The following MARCHF1 variants were observed in gnomAD, a reference collection of about 807,000 sequenced individuals.
MARCHF1 encodes the protein membrane associated ring-CH-type finger 1.
MARCHF1 carries 40 observed loss-of-function variants against 54.2 expected under a neutral mutation model. The ratio of observed to expected loss-of-function variants is 0.74; its 90% CI spans 0.57 to 0.96. The LOEUF is 0.96. MARCHF1 is among the 40% of genes least tolerant of loss of function. The pLI, the probability that MARCHF1 is intolerant of heterozygous loss-of-function variation, is 0.00. For synonymous variants in MARCHF1, 236 were observed against 236.3 expected, an observed-to-expected ratio of 1.00 and a Z score of 0.01; for missense variants, 586 against 656.5, an observed-to-expected ratio of 0.89 and a Z score of 1.17.
chr4:163,808,266 G>C (rs1748282930), intron 4 of MARCHF1, among the ~76,000 whole-genome samples: 1 of 152,152 alleles, frequency 6.6e-6, no homozygotes, highest in Non-Finnish European at 1.5e-5. Context: ...CGTTCTCCAT[G>C]GTAACTACCT....
At chr4:164,139,925 T>G (rs1296525144) in intron 1 of MARCHF1, among the ~76,000 whole-genome samples, 1 of 152,112 alleles carries the variant, frequency 6.6e-6, no homozygotes, top group East Asian at 1.9e-4. Context: ...TTTCTGGGAA[T>G]TGATGACATC....
At chr4:163,543,264 T>C (rs1362309204) in intron 9 of MARCHF1, among the ~76,000 whole-genome samples, 2 of 151,984 alleles carry the variant, frequency 1.3e-5, no homozygotes, top group Non-Finnish European at 2.9e-5. Flanking sequence ...GTTAAAAATA[T>C]GATAGTTTCC....
intron 8 of MARCHF1, among the ~76,000 whole-genome samples, chr4:163,568,833 T>C (rs140333778): frequency 2.0e-4 from 30 of 152,204 alleles, no homozygotes; most frequent in African/African-American, 7.2e-4. Flanking sequence ...GACATATCTG[T>C]TGGGCCTGAG....
At chr4:164,244,308 C>G (rs2111222122) in intron 1 of MARCHF1, among the ~76,000 whole-genome samples, 1 of 152,260 alleles carries the variant, frequency 6.6e-6, no homozygotes, top group South Asian at 2.1e-4. Context: ...GAATCTCACT[C>G]AAAACTGCGC....
intron 1 of MARCHF1, among the ~76,000 whole-genome samples, chr4:164,131,188 C>T (rs773095613): frequency 5.3e-5 from 8 of 152,086 alleles, no homozygotes; most frequent in Non-Finnish European, 8.8e-5. Context: ...AAGGTAGTTT[C>T]CCTGGGAGAG....
intron 2 of MARCHF1, among the ~76,000 whole-genome samples, chr4:164,107,109 C>A (rs1755722671): frequency 6.6e-6 from 1 of 152,064 alleles, no homozygotes; most frequent in Admixed American, 6.6e-5. Flanking sequence ...ATAATAAATA[C>A]AAAGCTATGT....
intron 3 of MARCHF1, among the ~76,000 whole-genome samples, chr4:163,934,430 G>T (rs975195633): frequency 6.6e-6 from 1 of 151,442 alleles, no homozygotes; most frequent in Non-Finnish European, 1.5e-5. Flanking sequence ...GTGGTGGTAT[G>T]CATCTGTAGT....
chr4:164,323,003 G>A (rs1463282174), intron 1 of MARCHF1, among the ~76,000 whole-genome samples: 1 of 151,850 alleles, frequency 6.6e-6, no homozygotes, highest in Admixed American at 6.6e-5. Flanking sequence ...GGCTGTCAAA[G>A]ATACATAGAA....
At chr4:163,881,115 C>T (rs973434465) in intron 3 of MARCHF1, among the ~76,000 whole-genome samples, 1 of 152,176 alleles carries the variant, frequency 6.6e-6, no homozygotes, top group Admixed American at 6.5e-5. Context: ...CATTCATGAT[C>T]TCATCACATC....
At chr4:163,906,415 G>A (rs552758939) in intron 3 of MARCHF1, among the ~76,000 whole-genome samples, 1 of 152,126 alleles carries the variant, frequency 6.6e-6, no homozygotes, top group South Asian at 2.1e-4. Context: ...AAGAGAAGAT[G>A]TAGATGAAAG....
intron 1 of MARCHF1, among the ~76,000 whole-genome samples, chr4:164,215,139 A>T (rs996720425): frequency 6.6e-6 from 1 of 152,104 alleles, no homozygotes; most frequent in African/African-American, 2.4e-5. Flanking sequence ...TCCTTGGTTT[A>T]CCGGAAGAAT....
chr4:163,893,736 A>G (rs1337879792), intron 3 of MARCHF1, among the ~76,000 whole-genome samples: 1 of 152,222 alleles, frequency 6.6e-6, no homozygotes, highest in East Asian at 1.9e-4. Context: ...TTTTGAATAA[A>G]TGCATAAATT....
At chr4:164,239,839 A>G (rs771220874) in intron 1 of MARCHF1, among the ~76,000 whole-genome samples, 4 of 152,170 alleles carry the variant, frequency 2.6e-5, no homozygotes, top group Non-Finnish European at 5.9e-5. Flanking sequence ...TTTACAGAAC[A>G]TAGTGTTGAT....
chr4:164,084,492 A>G (rs1204527435), intron 2 of MARCHF1, among the ~76,000 whole-genome samples: 1 of 151,916 alleles, frequency 6.6e-6, no homozygotes, highest in African/African-American at 2.4e-5. Context: ...CATGCTTTAG[A>G]TTAAAAAACT....
chr4:164,145,736 G>A (rs1366324104), intron 1 of MARCHF1, among the ~76,000 whole-genome samples: 4 of 147,168 alleles, frequency 2.7e-5, no homozygotes, highest in African/African-American at 1.0e-4. Context: ...GCAAAAACTG[G>A]AAGCATTCCC....
chr4:164,214,921 T>C (rs1731884183), intron 1 of MARCHF1, among the ~76,000 whole-genome samples: 1 of 152,112 alleles, frequency 6.6e-6, no homozygotes, highest in African/African-American at 2.4e-5. Context: ...GCTCGCTTCC[T>C]CAGTGCCCCC....
At chr4:163,531,645 CTAT>C (rs1224326499) in intron 9 of MARCHF1, among the ~76,000 whole-genome samples, 1 of 151,706 alleles carries the variant, frequency 6.6e-6, no homozygotes, top group Non-Finnish European at 1.5e-5. Context: ...ATAAATAAAA[CTAT>C]CTTTGTTCAC....
intron 3 of MARCHF1, among the ~76,000 whole-genome samples, chr4:163,882,673 T>C (rs1040875033): frequency 1.3e-5 from 2 of 152,162 alleles, no homozygotes; most frequent in African/African-American, 2.4e-5. Context: ...ACATTAAAAT[T>C]TTAACAAATT....
intron 9 of MARCHF1, among the ~76,000 whole-genome samples, chr4:163,540,935 G>T (rs572191553): frequency 9.9e-5 from 15 of 152,284 alleles, no homozygotes; most frequent in African/African-American, 3.4e-4. Flanking sequence ...AATCACTTGA[G>T]CCCAGGGAGG....
Sources: allele counts gnomAD v4.1 joint callset (sites outside exome capture counted in the v4.1 genomes callset), GRCh38; gene constraint gnomAD v4.1.1; transcripts MANE v1.5; gene names NCBI Gene and HGNC (gene_info 2026-07-23, HGNC 2026-07-21).